ZBTB25: variants seen among roughly 807,000 people sequenced by gnomAD.
ZBTB25 encodes zinc finger and BTB domain containing 25, also known as zinc finger and BTB domain-containing protein 25.
A neutral mutation model predicts 34.2 loss-of-function variants in ZBTB25; 20 were observed. The ratio of observed to expected loss-of-function variants is 0.58; its 90% CI spans 0.41 to 0.85. ZBTB25 has a LOEUF of 0.85. Ranked by LOEUF, ZBTB25 falls within the 40% of genes least tolerant of loss-of-function variation. The pLI, the probability that ZBTB25 is intolerant of heterozygous loss-of-function variation, is 0.00. For synonymous variants in ZBTB25, 175 were observed against 186.4 expected (o/e 0.94, Z 0.50); for missense variants, 437 against 521.8 (o/e 0.84, Z 1.58).
At chr14:64,462,764 A>T (rs2078568408) in intron 2 of ZBTB25, 1 of 152,216 alleles carries the variant, frequency 6.6e-6, no homozygotes, top group South Asian at 2.1e-4. Context: ...TGCAACCCTC[A>T]TGGTGCCCAG....
rs1208870537 is a variant in ZBTB25 at position 64,484,318 on chromosome 14, T to C, written c.*2605A>G. On this transcript the variant is annotated 3_prime_UTR_variant, in exon 3 of 3. Transcript: ENST00000608382. ...AAACTCTGCCCTGAGGCACTTGCTG[T>C]CTTATCCAACCAACCATGTACAACT... 6.6e-6 allele frequency: 1 copy of C among 152,300 alleles called. No individual in the cohort carries two copies. The highest frequency in any genetic ancestry group is 2.4e-5 in the African/African-American group (1 of 41,450). The allele number at this position is 152,300 out of a possible 1,614,324, so 9.4% of individuals were successfully genotyped here. A position where few individuals can be genotyped will look rare whatever the true frequency, so the allele number is the denominator to read the frequency against.
At chr14:64,451,594 C>A (rs2078373619) in intron 2 of ZBTB25, among the ~76,000 whole-genome samples, 1 of 152,174 alleles carries the variant, frequency 6.6e-6, no homozygotes. Flanking sequence ...TTATAGGCAC[C>A]CTCTCCAGGC....
chr14:64,501,678 A>G (rs1022441403), intron 1 of ZBTB25, among the ~76,000 whole-genome samples: 2 of 152,256 alleles, frequency 1.3e-5, no homozygotes, highest in African/African-American at 4.8e-5. Flanking sequence ...CCTACGGACC[A>G]TAGCAAATAA....
intron 2 of ZBTB25, among the ~76,000 whole-genome samples, chr14:64,465,346 G>GGCT (rs1423441595): frequency 1.3e-5 from 2 of 151,914 alleles, no homozygotes; most frequent in African/African-American, 2.4e-5. Context: ...CAGGCAGGCA[G>GGCT]GCTGCTGCTG....
At chr14:64,456,427 C>T (rs2078475104) in intron 2 of ZBTB25, among the ~76,000 whole-genome samples, 1 of 152,208 alleles carries the variant, frequency 6.6e-6, no homozygotes, top group Admixed American at 6.5e-5. Flanking sequence ...TAGGTTCATA[C>T]ATGTGCGTAC....
At chr14:64,500,085 C>T (rs186222203) in intron 1 of ZBTB25, among the ~76,000 whole-genome samples, 5 of 151,750 alleles carry the variant, frequency 3.3e-5, no homozygotes, top group Admixed American at 6.6e-5. Context: ...AATCAGAACC[C>T]GGAGAAAGAA....
chr14:64,466,448 T>C (rs1430319803), intron 2 of ZBTB25, among the ~76,000 whole-genome samples: 1 of 152,240 alleles, frequency 6.6e-6, no homozygotes, highest in African/African-American at 2.4e-5. Context: ...ATTTCTATTA[T>C]GTGGTAATAC....
At chr14:64,504,315 CG>C (rs1264127852), upstream of ZBTB25, among the ~76,000 whole-genome samples, 2 of 151,950 alleles carry the variant, frequency 1.3e-5, no homozygotes, top group Non-Finnish European at 2.9e-5. Context: ...GCGAGGTTGC[CG>C]GAGCACTCGA....
chr14:64,486,470 A>C lies in ZBTB25; in HGVS notation c.*453T>G. On this transcript the variant is annotated 3_prime_UTR_variant, in exon 3 of 3. Transcript: ENST00000608382. ...TAACATACAGTTATGCATTAAAGTA[A>C]CTATTAATTTCCTATATGGAAGAAA... The C allele has an allele frequency of 1.0e-6, 1 of 968,160 alleles. No individual in the cohort carries two copies. The highest frequency in any genetic ancestry group is 1.2e-6 in the Non-Finnish European group (1 of 813,848). The allele number at this position is 968,160 out of a possible 1,614,324, so 60.0% of individuals were successfully genotyped here.
chr14:64,488,167 T>C, intron 2 of ZBTB25, 110 bp from the exon 3 acceptor site: 1 of 1,442,896 alleles, frequency 6.9e-7, no homozygotes, highest in South Asian at 1.4e-5. Flanking sequence ...AGTTCGAACC[T>C]AGCAATCTGC....
chr14:64,469,721 G>T (rs962076150), intron 2 of ZBTB25: 19 of 1,032,430 alleles, frequency 1.8e-5, no homozygotes, highest in East Asian at 5.1e-5. Flanking sequence ...GCTTAATGAA[G>T]AATTCTTTTA....
intron 2 of ZBTB25, among the ~76,000 whole-genome samples, chr14:64,455,871 G>A (rs1379749989): frequency 6.6e-6 from 1 of 152,222 alleles, no homozygotes. Context: ...GTGGTGCTTA[G>A]CACAAATGCC....
chr14:64,486,401 T>C lies in ZBTB25; in HGVS notation c.*522A>G. ...GTTAAAAAATAAAACTACTCATGAT[T>C]TGGTATATCTTAAAATAAATTTTTA... is the stretch of plus-strand genomic sequence containing the variant. On this transcript the variant is annotated 3_prime_UTR_variant, in exon 3 of 3. Coordinates refer to ENST00000608382, the MANE Select transcript of ZBTB25 (RefSeq NM_006977.5). 1.0e-6 allele frequency: 1 copy of C among 984,842 alleles called. No individual in the cohort carries two copies. Among genetic ancestry groups the C allele is most frequent in the African/African-American group, 1.7e-5 (1 of 57,356 alleles). 61.0% of individuals were successfully genotyped at this position (984,842 alleles called of 1,614,324 possible).
At chr14:64,457,713 C>T (rs2078498194) in intron 2 of ZBTB25, among the ~76,000 whole-genome samples, 1 of 152,104 alleles carries the variant, frequency 6.6e-6, no homozygotes, top group African/African-American at 2.4e-5. Flanking sequence ...GCCTTGGCCT[C>T]CCAGAGTGCT....
intron 2 of ZBTB25, chr14:64,472,223 G>A (rs898044940): frequency 6.0e-6 from 1 of 167,056 alleles, no homozygotes; most frequent in Non-Finnish European, 1.5e-5. Context: ...ATATTTAAAA[G>A]TGAACCATTT....
Position 64,487,105 on chromosome 14 carries a change from A to G in ZBTB25, c.1126T>C (p.Tyr376His), listed in dbSNP as rs763791723. 1 of 1,614,198 alleles carries G rather than the reference A, an allele frequency of 6.2e-7. No individual in the cohort carries two copies. The highest frequency in any genetic ancestry group is 1.1e-5 in the South Asian group (1 of 91,080). Residue 376 changes from tyrosine to histidine, a missense_variant, in exon 3 of 3, where the codon TAC (tyrosine) becomes CAC (histidine). Coordinates refer to ENST00000608382, the MANE Select transcript of ZBTB25 (RefSeq NM_006977.5). ...AACCTTTGGCATCGGTTATATCTGTAAGATTTACCTTTGTGTGTATACATG... is the reference window on the plus strand; with the variant it reads ...AACCTTTGGCATCGGTTATATCTGTGAGATTTACCTTTGTGTGTATACATG... ...EHMYTHKGKSYRYNRCQRFGN... is the reference protein window; with the variant it reads ...EHMYTHKGKSHRYNRCQRFGN...
At chr14:64,464,843 T>A (rs900873106) in intron 2 of ZBTB25, among the ~76,000 whole-genome samples, 2 of 151,808 alleles carry the variant, frequency 1.3e-5, no homozygotes, top group Non-Finnish European at 2.9e-5. Flanking sequence ...TTTCTCACCT[T>A]GTCCGCATAG....
Position 64,486,837 on chromosome 14 carries a change from T to C in ZBTB25, c.*86A>G, listed in dbSNP as rs373831573. ...TGTGAAGAAAAAAAGTCAATGAAAC[T>C]TGAGGAGGAAAATAATTTATGAATT... On this transcript the variant is annotated 3_prime_UTR_variant, in exon 3 of 3. Transcript: ENST00000608382. The C allele has an allele frequency of 1.4e-6, 2 of 1,470,900 alleles. No homozygotes were observed. The highest frequency in any genetic ancestry group is 2.4e-5 in the East Asian group (1 of 41,286). The allele number at this position is 1,470,900 out of a possible 1,614,324, so 91.1% of individuals were successfully genotyped here.
intron 1 of ZBTB25, among the ~76,000 whole-genome samples, chr14:64,496,949 A>G (rs2079299201): frequency 6.6e-6 from 1 of 152,214 alleles, no homozygotes; most frequent in Non-Finnish European, 1.5e-5. Context: ...GAGAAACCAC[A>G]GGCTCAGAGA....
Sources: gnomAD v4.1 joint callset for allele counts (sites outside exome capture counted in the v4.1 genomes callset) on GRCh38, gnomAD v4.1.1 for gene constraint, MANE v1.5 for transcripts, NCBI Gene and HGNC (gene_info 2026-07-23, HGNC 2026-07-21) for gene names.